Variants in RSU1 observed in about 807,000 individuals in gnomAD.
RSU1 encodes the protein rsu-1.
A neutral mutation model predicts 31.1 loss-of-function variants in RSU1; 26 were observed. That is an observed-to-expected ratio of 0.84 (90% CI 0.61 to 1.16). The LOEUF is 1.16. Among genes scored for constraint, RSU1 ranks in the 50% most tolerant of loss-of-function variants. The pLI, the probability that RSU1 is intolerant of heterozygous loss-of-function variation, is 0.00. For missense variants in RSU1, 320 were observed against 339.1 expected, an observed-to-expected ratio of 0.94 and a Z score of 0.44; for synonymous variants, 164 against 136.3, an observed-to-expected ratio of 1.20 and a Z score of -1.41.
rs769498362 is a variant in RSU1, at chr10:16,752,627, G to T, written c.510C>A (p.Ile170=). The part of the protein sequence containing the change: ...QILSLRDNDL[I]SLPKEIGELT... ...GCTCCCCGATTTCCTTAGGCAGCGAGATCAGGTCGTTATCCCTAAGGCTGA... is the reference window on the plus strand; with the variant it reads ...GCTCCCCGATTTCCTTAGGCAGCGATATCAGGTCGTTATCCCTAAGGCTGA... The change falls in exon 7 of 9, where the codon ATC becomes ATA. Residue 170 remains isoleucine (I), a synonymous_variant. Coordinates refer to ENST00000345264, the MANE Select transcript of RSU1 (RefSeq NM_012425.4). 5.6e-6 allele frequency: 9 copies of T among 1,614,076 alleles called. No homozygotes were observed. Among genetic ancestry groups the T allele is most frequent in the Non-Finnish European group, 7.6e-6 (9 of 1,179,914 alleles).
chr10:16,668,985 A>T (rs1835052175), intron 8 of RSU1, among the ~76,000 whole-genome samples: 1 of 152,184 alleles, frequency 6.6e-6, no homozygotes, highest in African/African-American at 2.4e-5. Context: ...ATGTTCATTC[A>T]CCAAGAGGTG....
intron 8 of RSU1, among the ~76,000 whole-genome samples, chr10:16,657,005 C>T (rs902588975): frequency 6.6e-6 from 1 of 152,178 alleles, no homozygotes; most frequent in African/African-American, 2.4e-5. Flanking sequence ...TATGCAAATA[C>T]AGTATAGCTT....
intron 8 of RSU1, among the ~76,000 whole-genome samples, chr10:16,692,565 A>G (rs1835581659): frequency 6.6e-6 from 1 of 152,166 alleles, no homozygotes; most frequent in African/African-American, 2.4e-5. Context: ...CAAGCTCTAA[A>G]TAGCTTCCTG....
intron 3 of RSU1, among the ~76,000 whole-genome samples, chr10:16,780,201 G>A (rs1837622562): frequency 6.6e-6 from 1 of 152,198 alleles, no homozygotes; most frequent in Admixed American, 6.5e-5. Flanking sequence ...AAACTACAGT[G>A]ATCTGAAAGA....
At chr10:16,593,564 G>T in intron 8 of RSU1, 68 bp from the exon 9 acceptor site, 1 of 1,216,580 alleles carries the variant, frequency 8.2e-7, no homozygotes, top group Non-Finnish European at 1.2e-6. Flanking sequence ...CACTGGAAGA[G>T]CTTTCAGGAA....
chr10:16,738,932 A>T (rs1836693459), intron 7 of RSU1, among the ~76,000 whole-genome samples: 1 of 150,248 alleles, frequency 6.7e-6, no homozygotes, highest in Admixed American at 6.6e-5. Context: ...TCATCATTCA[A>T]CTCCCACTTA....
At chr10:16,727,879 G>A (rs889201033) in intron 7 of RSU1, among the ~76,000 whole-genome samples, 1 of 152,130 alleles carries the variant, frequency 6.6e-6, no homozygotes, top group Admixed American at 6.5e-5. Context: ...GGGTAGCCGT[G>A]GGGGGCTAGA....
At chr10:16,693,822 A>T (rs1835616916) in intron 8 of RSU1, among the ~76,000 whole-genome samples, 1 of 152,184 alleles carries the variant, frequency 6.6e-6, no homozygotes, top group Admixed American at 6.5e-5. Context: ...TGATTGTGCC[A>T]CTGCACTCCA....
At chr10:16,596,680 C>T (rs1048687780) in intron 8 of RSU1, among the ~76,000 whole-genome samples, 3 of 152,144 alleles carry the variant, frequency 2.0e-5, no homozygotes, top group Non-Finnish European at 2.9e-5. Flanking sequence ...CAAAAAAATA[C>T]GTATGTACAT....
chr10:16,783,036 G>A (rs954528431), intron 2 of RSU1, among the ~76,000 whole-genome samples: 13 of 150,286 alleles, frequency 8.7e-5, no homozygotes, highest in South Asian at 2.1e-4. Context: ...TCAGCCTCCC[G>A]TGTAGCTGAG....
intron 7 of RSU1, among the ~76,000 whole-genome samples, chr10:16,695,494 C>T (rs1214126215): frequency 2.0e-5 from 3 of 152,256 alleles, no homozygotes; most frequent in East Asian, 1.9e-4. Flanking sequence ...TCTATCTTGA[C>T]CATGTCAGTA....
intron 4 of RSU1, among the ~76,000 whole-genome samples, chr10:16,755,990 C>T (rs1278375036): frequency 1.3e-5 from 2 of 152,180 alleles, no homozygotes; most frequent in African/African-American, 2.4e-5. Context: ...AATATCTTTC[C>T]TTGTAAAGAA....
chr10:16,603,913 T>C (rs12249930), intron 8 of RSU1, among the ~76,000 whole-genome samples: 10,763 of 152,284 alleles, frequency 0.071, 1,035 homozygotes, highest in African/African-American at 0.22. Flanking sequence ...ATGGGCAATT[T>C]ACCCATTTAA....
At chr10:16,674,763 G>A (rs893450049) in intron 8 of RSU1, among the ~76,000 whole-genome samples, 8 of 152,244 alleles carry the variant, frequency 5.3e-5, no homozygotes, top group Admixed American at 1.3e-4. Context: ...GTGTAAAGCC[G>A]GCCAGAAGCT....
In RSU1 at chr10:16,736,874, C is replaced by T. The variant is rs77066437; in HGVS notation, c.598+15665G>A. On this transcript the variant is annotated intron_variant, in intron 7 of 8. Transcript: ENST00000345264. ...TATAAAAAGAGCTATACCTTGCATA[C>T]ACTTGGAAGTGAAAAATGCAACATC... Among the ~76,000 whole-genome samples the T allele has an allele frequency of 2.8e-3, 428 of 152,114 alleles. 2 individuals carry two copies. In the East Asian group the frequency reaches 0.047, roughly 17 times the overall value.
At chr10:16,653,552 A>C (rs1018825259) in intron 8 of RSU1, among the ~76,000 whole-genome samples, 1 of 152,154 alleles carries the variant, frequency 6.6e-6, no homozygotes, top group Non-Finnish European at 1.5e-5. Context: ...TTTTTCTTAA[A>C]TATTCATTCA....
At chr10:16,763,323 G>A (rs1837246157) in intron 4 of RSU1, among the ~76,000 whole-genome samples, 2 of 152,140 alleles carry the variant, frequency 1.3e-5, no homozygotes, top group Admixed American at 1.3e-4. Flanking sequence ...TAGGAAGCGT[G>A]GCAGCAGCTG....
chr10:16,786,660 C>T (rs1382839850), intron 2 of RSU1, among the ~76,000 whole-genome samples: 1 of 152,140 alleles, frequency 6.6e-6, no homozygotes, highest in South Asian at 2.1e-4. Flanking sequence ...AAACACCCTA[C>T]GTTCACCCCA....
At position 16,817,375 on chromosome 10, in the gene RSU1, C is replaced by T; in HGVS notation, c.-64G>A. ...CCACAAGCTTCGGCAGAACGCACTC[C>T]AGCTGCCCTCACTCCCTGCAACACC... On this transcript the variant is annotated 5_prime_UTR_variant, in exon 1 of 9. Transcript: ENST00000345264. The T allele has an allele frequency of 5.2e-6, 2 of 380,984 alleles. No homozygotes were observed. Among genetic ancestry groups the T allele is most frequent in the East Asian group, 5.5e-5 (1 of 18,040 alleles). The allele number at this position is 380,984 out of a possible 1,614,324, so 23.6% of individuals were successfully genotyped here.
Sources: gnomAD v4.1 joint callset for allele counts (sites outside exome capture counted in the v4.1 genomes callset) on GRCh38, gnomAD v4.1.1 for gene constraint, MANE v1.5 for transcripts, NCBI Gene and HGNC (gene_info 2026-07-23, HGNC 2026-07-21) for gene names.